The following SPMIP11 variants were observed in gnomAD, a reference collection of about 807,000 sequenced individuals.
The protein encoded by SPMIP11 is long intergenic non-protein coding RNA 935.
the SPMIP11 span, among the ~76,000 whole-genome samples, chr12:48,765,339 C>A: frequency 6.6e-6 from 1 of 152,210 alleles, no homozygotes; most frequent in East Asian, 1.9e-4. Context: ...TCAAGCAATT[C>A]TCCTGCATTA....
the SPMIP11 span, among the ~76,000 whole-genome samples, chr12:48,744,526 G>C: frequency 6.6e-6 from 1 of 152,254 alleles, no homozygotes; most frequent in Non-Finnish European, 1.5e-5. Context: ...CTGAGTTCAG[G>C]AGTTTGAGGC....
At chr12:48,744,561 C>T in the SPMIP11 span, among the ~76,000 whole-genome samples, 14 of 152,076 alleles carry the variant, frequency 9.2e-5, no homozygotes, top group African/African-American at 2.7e-4. Context: ...TTGTGAAACC[C>T]CATCTCTACT....
At chr12:48,737,438 G>T in the SPMIP11 span, among the ~76,000 whole-genome samples, 1 of 145,680 alleles carries the variant, frequency 6.9e-6, no homozygotes, top group African/African-American at 2.6e-5. Flanking sequence ...TTTTGAGATG[G>T]AGTCTCACTC....
chr12:48,745,513 G>A, the SPMIP11 span, among the ~76,000 whole-genome samples: 23 of 152,190 alleles, frequency 1.5e-4, no homozygotes, highest in African/African-American at 5.5e-4. Flanking sequence ...GGCTGAGGCC[G>A]GAGAATCACT....
the SPMIP11 span, chr12:48,765,798 G>C: frequency 2.2e-5 from 14 of 641,028 alleles, no homozygotes; most frequent in African/African-American, 3.6e-5. Flanking sequence ...AAAGTTGCTT[G>C]TGTGCACGGG....
At chr12:48,758,756 A>G in the SPMIP11 span, among the ~76,000 whole-genome samples, 1 of 152,176 alleles carries the variant, frequency 6.6e-6, no homozygotes, top group African/African-American at 2.4e-5. Flanking sequence ...AACACTTGTC[A>G]TTCTGCTGTC....
the SPMIP11 span, among the ~76,000 whole-genome samples, chr12:48,753,124 A>G: frequency 6.6e-6 from 1 of 152,198 alleles, no homozygotes; most frequent in Non-Finnish European, 1.5e-5. Flanking sequence ...AGCTCTCACC[A>G]TAACACAAGT....
the SPMIP11 span, among the ~76,000 whole-genome samples, chr12:48,741,344 C>T: frequency 6.6e-6 from 1 of 152,104 alleles, no homozygotes; most frequent in Non-Finnish European, 1.5e-5. Context: ...AGCCACCATG[C>T]CTGGCCAATA....
At chr12:48,754,275 C>T in the SPMIP11 span, among the ~76,000 whole-genome samples, 1 of 152,048 alleles carries the variant, frequency 6.6e-6, no homozygotes, top group Non-Finnish European at 1.5e-5. Flanking sequence ...CATGGTGGCA[C>T]ATGCCTGTAG....
the SPMIP11 span, among the ~76,000 whole-genome samples, chr12:48,764,141 C>G: frequency 6.6e-6 from 1 of 151,776 alleles, no homozygotes; most frequent in African/African-American, 2.4e-5. Context: ...CACCACCACG[C>G]CCGGCTAATT....
At chr12:48,743,470 G>A in the SPMIP11 span, among the ~76,000 whole-genome samples, 5 of 152,066 alleles carry the variant, frequency 3.3e-5, no homozygotes, top group East Asian at 1.9e-4. Context: ...ATAAATTGTC[G>A]GGAGAGAAGG....
At chr12:48,733,712 T>C in the SPMIP11 span, among the ~76,000 whole-genome samples, 2,452 of 151,344 alleles carry the variant, frequency 0.016, 30 homozygotes, top group Non-Finnish European at 0.024. Flanking sequence ...TTGGAATGTC[T>C]GGAATGTATA....
chr12:48,748,469 G>C, the SPMIP11 span, among the ~76,000 whole-genome samples: 2 of 150,482 alleles, frequency 1.3e-5, no homozygotes, highest in African/African-American at 2.5e-5. Context: ...CAAAATTCCT[G>C]GAAAGAGAAG....
the SPMIP11 span, chr12:48,766,792 C>T: frequency 6.6e-6 from 1 of 152,458 alleles, no homozygotes; most frequent in Admixed American, 6.5e-5. Flanking sequence ...TTCTCCTCTG[C>T]CTCTCTAGTC....
chr12:48,728,535 C>G, the SPMIP11 span, among the ~76,000 whole-genome samples: 3 of 152,034 alleles, frequency 2.0e-5, no homozygotes, highest in South Asian at 6.2e-4. Context: ...GGTGAAACCC[C>G]GTCTCTACTA....
At chr12:48,745,907 C>T in the SPMIP11 span, among the ~76,000 whole-genome samples, 5 of 151,996 alleles carry the variant, frequency 3.3e-5, no homozygotes, top group African/African-American at 4.8e-5. Flanking sequence ...CTTATATATT[C>T]GTATGTATAA....
chr12:48,762,356 CTTT>C, the SPMIP11 span, among the ~76,000 whole-genome samples: 2 of 61,222 alleles, frequency 3.3e-5, no homozygotes, highest in African/African-American at 9.8e-5. Flanking sequence ...CCCCGCCCAG[CTTT>C]TTTTTTTTTT....
the SPMIP11 span, among the ~76,000 whole-genome samples, chr12:48,752,903 C>T: frequency 6.6e-6 from 1 of 152,048 alleles, no homozygotes; most frequent in Admixed American, 6.6e-5. Flanking sequence ...AACTATCGAC[C>T]TCAGGTGATC....
the SPMIP11 span, among the ~76,000 whole-genome samples, chr12:48,745,377 G>A: frequency 6.6e-6 from 1 of 151,892 alleles, no homozygotes; most frequent in Non-Finnish European, 1.5e-5. Flanking sequence ...GGCTGAGGCA[G>A]GCAGTTCATT....
Sources: gnomAD v4.1 joint callset for allele counts (sites outside exome capture counted in the v4.1 genomes callset) on GRCh38, gnomAD v4.1.1 for gene constraint, MANE v1.5 for transcripts, NCBI Gene and HGNC (gene_info 2026-07-23, HGNC 2026-07-21) for gene names.